The following PAX8 variants were observed in gnomAD, a reference collection of about 807,000 sequenced individuals.
The protein encoded by PAX8 is paired box 8.
PAX8 carries 15 observed loss-of-function variants against 52.4 expected under a neutral mutation model. The ratio of observed to expected loss-of-function variants is 0.29; its 90% CI spans 0.19 to 0.44. PAX8 has a LOEUF of 0.44. PAX8 is among the 20% of genes least tolerant of loss of function. The pLI, the probability that PAX8 is intolerant of heterozygous loss-of-function variation, is 1.00. For missense variants in PAX8, 554 were observed against 602.5 expected, an observed-to-expected ratio of 0.92 and a Z score of 0.84; for synonymous variants, 284 against 249.7, an observed-to-expected ratio of 1.14 and a Z score of -1.29.
At chr2:113,220,365 G>A in intron 10 of PAX8, 187 bp from the exon 11 acceptor site, 1 of 589,198 alleles carries the variant, frequency 1.7e-6, no homozygotes. Context: ...CCATCGATCT[G>A]GAAAATTTGG....
intron 2 of PAX8, among the ~76,000 whole-genome samples, chr2:113,257,083 G>A (rs935835252): frequency 3.3e-5 from 5 of 152,154 alleles, no homozygotes; most frequent in Non-Finnish European, 7.3e-5. Context: ...TTTTTGTAAT[G>A]ATTTCAAGTT....
In PAX8 at chr2:113,278,826, C is replaced by T; in HGVS notation, c.-76+5G>A. ...CAGCTTCCAGCTAACCCCTGGGTGA[C>T]ATACCTGGCCGGCCGGCTGCAGGCC... On this transcript the variant is annotated splice_donor_5th_base_variant and intron_variant, in intron 1 of 11. Transcript: ENST00000429538. 9.3e-7 allele frequency: 1 copy of T among 1,070,584 alleles called. No homozygotes were observed. Among genetic ancestry groups the T allele is most frequent in the Non-Finnish European group, 1.1e-6 (1 of 881,242 alleles). 66.3% of individuals were successfully genotyped at this position (1,070,584 alleles called of 1,614,324 possible).
At chr2:113,243,307 C>T (rs1189398746) in intron 4 of PAX8, among the ~76,000 whole-genome samples, 1 of 152,228 alleles carries the variant, frequency 6.6e-6, no homozygotes, top group Non-Finnish European at 1.5e-5. Flanking sequence ...CAGCCCCCAG[C>T]CTCTGAAAGG....
intron 2 of PAX8, among the ~76,000 whole-genome samples, chr2:113,247,314 T>A (rs534523968): frequency 2.2e-4 from 34 of 151,936 alleles, no homozygotes; most frequent in Non-Finnish European, 4.4e-5. Context: ...CCTTCTCTTC[T>A]GAGAGTCTCT....
chr2:113,246,730 G>T (rs892092147), intron 3 of PAX8, 24 bp downstream of exon 3: 1 of 1,608,270 alleles, frequency 6.2e-7, no homozygotes, highest in African/African-American at 1.3e-5. Context: ...GGGGAAGGCG[G>T]CCTGCGGTGA....
chr2:113,275,766 T>A (rs1693757088), intron 2 of PAX8: 3 of 152,386 alleles, frequency 2.0e-5, no homozygotes, highest in South Asian at 4.1e-4. Context: ...ATTTCGTCCC[T>A]GATGCAACAA....
chr2:113,278,421 G>A lies in PAX8; in HGVS notation c.-27C>T, dbSNP rs555888631. On this transcript the variant is annotated 5_prime_UTR_variant, in exon 2 of 12. Transcript: ENST00000429538. ...GCCGGGGAGTCGCTCGCAGCCCGCC[G>A]AGGGCTCGGGGCTTCCTCCCGTAGG... 21 of 1,610,392 alleles carry A rather than the reference G, an allele frequency of 1.3e-5. No individual in the cohort carries two copies. Among genetic ancestry groups the A allele is most frequent in the African/African-American group, 6.7e-5 (5 of 75,004 alleles).
intron 10 of PAX8, among the ~76,000 whole-genome samples, chr2:113,222,175 C>A (rs1457277093): frequency 6.6e-6 from 1 of 152,186 alleles, no homozygotes; most frequent in Non-Finnish European, 1.5e-5. Context: ...TCTTGCATCT[C>A]CCAGTGCCAA....
intron 8 of PAX8, 96 bp from the exon 9 acceptor site, chr2:113,235,678 G>T: frequency 1.0e-6 from 1 of 996,234 alleles, no homozygotes; most frequent in Non-Finnish European, 1.5e-6. Context: ...GGGTGCGGGC[G>T]GGGCGCGGGG....
intron 2 of PAX8, among the ~76,000 whole-genome samples, chr2:113,254,943 C>G (rs1440335370): frequency 2.6e-5 from 4 of 151,868 alleles, no homozygotes; most frequent in Non-Finnish European, 5.9e-5. Context: ...TTGGTCCTTT[C>G]TTTTAAATAA....
At position 113,235,195 on chromosome 2, in the gene PAX8, A is replaced by G. The variant is rs1001617413; in HGVS notation, c.1087+199T>C. The G allele has an allele frequency of 5.2e-6, 3 of 577,874 alleles. No individual in the cohort carries two copies. In the African/African-American group the frequency reaches 5.7e-5, roughly 11 times the overall value. 35.8% of individuals were successfully genotyped at this position (577,874 alleles called of 1,614,324 possible). ...GGGGTGGTGCATCCCCGGCACCCCTACAGCATCCGCCCCTTCCGAGCATGT... is the reference window on the plus strand; with the variant it reads ...GGGGTGGTGCATCCCCGGCACCCCTGCAGCATCCGCCCCTTCCGAGCATGT... On this transcript the variant is annotated intron_variant, in intron 9 of 11. Transcript: ENST00000429538.
At chr2:113,277,769 G>A (rs895570410) in intron 2 of PAX8, among the ~76,000 whole-genome samples, 2 of 152,178 alleles carry the variant, frequency 1.3e-5, no homozygotes, top group Admixed American at 1.3e-4. Context: ...TTGACTCCGC[G>A]AGCGGCTTAG....
At chr2:113,226,668 C>T (rs933548799) in intron 10 of PAX8, 7 of 1,075,426 alleles carry the variant, frequency 6.5e-6, no homozygotes, top group Admixed American at 4.7e-5. Flanking sequence ...TCATCGTCAT[C>T]GTCATCATCA....
chr2:113,247,437 C>T (rs559022849), intron 2 of PAX8, among the ~76,000 whole-genome samples: 1 of 152,298 alleles, frequency 6.6e-6, no homozygotes, highest in African/African-American at 2.4e-5. Context: ...AGAATAAAAG[C>T]AGAAACTCTC....
At chr2:113,262,464 C>T (rs1284902935) in intron 2 of PAX8, among the ~76,000 whole-genome samples, 1 of 152,228 alleles carries the variant, frequency 6.6e-6, no homozygotes, top group Non-Finnish European at 1.5e-5. Flanking sequence ...CAAATCAGAG[C>T]TTCTGCAGCG....
At chr2:113,241,949 C>T in intron 6 of PAX8, 59 bp downstream of exon 6, 3 of 1,598,748 alleles carry the variant, frequency 1.9e-6, no homozygotes, top group Non-Finnish European at 2.6e-6. Context: ...CTGTCCCCAT[C>T]AAAGCCTGAG....
rs895552655 is a variant in PAX8, at chr2:113,235,459, G to A, written c.1022C>T (p.Pro341Leu). Reference sequence around the variant, plus strand: ...GGCAGCATGGGGAAAGGCATTGAAGGGCGGGACCCCGGAGCCGACTTGCTG... The same window carrying A: ...GGCAGCATGGGGAAAGGCATTGAAGAGCGGGACCCCGGAGCCGACTTGCTG... ...DLQQVGSGVP[P>L]FNAFPHAASV... is the part of the protein sequence containing the mutation. The change falls in exon 9 of 12, where the codon CCC becomes CTC. Residue 341 changes from proline (P) to leucine (L), a missense_variant. Physicochemically the swap from Pro to Leu is moderately conservative, Grantham distance 98. This residue lies in a region of PAX8 where 445 missense variants were observed against 409.9 expected (regional missense o/e 1.09). Coordinates refer to ENST00000429538, the MANE Select transcript of PAX8 (RefSeq NM_003466.4). The A allele has an allele frequency of 1.9e-6, 3 of 1,611,852 alleles. No homozygotes were observed. Among genetic ancestry groups the A allele is most frequent in the African/African-American group, 2.7e-5 (2 of 74,916 alleles).
intron 2 of PAX8, among the ~76,000 whole-genome samples, chr2:113,251,940 T>C (rs553946503): frequency 6.6e-6 from 1 of 152,346 alleles, no homozygotes; most frequent in East Asian, 1.9e-4. Flanking sequence ...TCTACTGTAA[T>C]TAGTGTTTTC....
intron 8 of PAX8, 32 bp from the exon 9 acceptor site, chr2:113,235,614 G>T (rs778287410): frequency 1.9e-6 from 3 of 1,572,938 alleles, no homozygotes; most frequent in Non-Finnish European, 2.6e-6. Context: ...CAAGGAGAGA[G>T]GGGTGTGAGA....
Sources: gnomAD v4.1 joint callset for allele counts (sites outside exome capture counted in the v4.1 genomes callset) on GRCh38, gnomAD v4.1.1 for gene constraint, gnomAD v4.1.1 regional missense constraint, MANE v1.5 for transcripts, NCBI Gene and HGNC (gene_info 2026-07-23, HGNC 2026-07-21) for gene names.